Variants in CDH13 observed in about 807,000 individuals in gnomAD.
CDH13 encodes the protein cadherin-13.
A neutral mutation model predicts 63.8 loss-of-function variants in CDH13; 24 were observed. The observed-to-expected ratio is 0.38, with a 90% CI of 0.27 to 0.53. The LOEUF is 0.53. Ranked by LOEUF, CDH13 falls within the 20% of genes least tolerant of loss-of-function variation. CDH13 has a pLI of 0.85. For missense variants in CDH13, 1,049 were observed against 903.1 expected (o/e 1.16, Z -2.07); for synonymous variants, 503 against 355.3 (o/e 1.42, Z -4.67).
intron 9 of CDH13, among the ~76,000 whole-genome samples, chr16:83,678,002 A>G (rs1001645614): frequency 6.6e-6 from 1 of 152,160 alleles, no homozygotes; most frequent in Non-Finnish European, 1.5e-5. Flanking sequence ...ACAAAAAAAA[A>G]CCAACATCCA....
intron 1 of CDH13, among the ~76,000 whole-genome samples, chr16:82,656,971 A>ACAGTTTATC (rs1217939958): frequency 2.0e-5 from 3 of 146,536 alleles, no homozygotes; most frequent in African/African-American, 7.6e-5. Flanking sequence ...TGGATGTATC[A>ACAGTTTATC]CAGTTTATCC....
Position 82,708,909 on chromosome 16 carries a change from T to G in CDH13, c.45+81772T>G, listed in dbSNP as rs149604049. Among the ~76,000 whole-genome samples, 367 of 152,318 alleles carry G rather than the reference T, an allele frequency of 2.4e-3. 1 individual carries two copies. The highest frequency in any genetic ancestry group is 8.5e-3 in the South Asian group (41 of 4,822). On this transcript the variant is annotated intron_variant, in intron 1 of 13. Coordinates refer to ENST00000567109, the MANE Select transcript of CDH13 (RefSeq NM_001257.5). ...TAGGGCTCTCTTATAAATTGATAAC[T>G]TGTTTCTCAGTCTTTTATACATTTG...
rs978034213 is a variant in CDH13, at chr16:83,204,559, G to A, written c.484-12786G>A. 4.6e-5 allele frequency among the ~76,000 whole-genome samples: 7 copies of A among 152,156 alleles called. No homozygotes were observed. The South Asian group carries it at 6.2e-4, about 14-fold the overall frequency. On this transcript the variant is annotated intron_variant, in intron 4 of 13. Transcript: ENST00000567109. ...TCCATTGTGCAGAAGACAGGAGTGA[G>A]GCTCAGAGAGGCCACACAGCTTTCT... is the stretch of plus-strand genomic sequence containing the variant.
intron 5 of CDH13, among the ~76,000 whole-genome samples, chr16:83,234,515 T>G (rs2040090394): frequency 6.6e-6 from 1 of 152,058 alleles, no homozygotes; most frequent in African/African-American, 2.4e-5. Flanking sequence ...CAGCTCCAAG[T>G]CCAGATTCCT....
chr16:83,334,526 C>T (rs541445415), intron 5 of CDH13, among the ~76,000 whole-genome samples: 3 of 115,030 alleles, frequency 2.6e-5, no homozygotes, highest in South Asian at 7.0e-4. Context: ...CATGCACCGC[C>T]ACTCCTGGCT....
At chr16:83,482,054 C>T (rs2073780105) in intron 6 of CDH13, among the ~76,000 whole-genome samples, 1 of 152,164 alleles carries the variant, frequency 6.6e-6, no homozygotes, top group African/African-American at 2.4e-5. Flanking sequence ...GAATCCCATT[C>T]CAGCAAGGAC....
chr16:83,301,562 G>A (rs74031986), intron 5 of CDH13, among the ~76,000 whole-genome samples: 2,240 of 152,258 alleles, frequency 0.015, 63 homozygotes, highest in African/African-American at 0.052. Context: ...AACTGGTGGA[G>A]CAAGCAAGGT....
intron 2 of CDH13, among the ~76,000 whole-genome samples, chr16:82,961,209 G>C (rs34377414): frequency 0.11 from 16,201 of 152,148 alleles, 934 homozygotes; most frequent in South Asian, 0.13. Context: ...GAGATGAAGT[G>C]GGACTTCCCA....
chr16:83,327,259 A>G (rs908769492), intron 5 of CDH13, among the ~76,000 whole-genome samples: 15 of 152,246 alleles, frequency 9.9e-5, no homozygotes, highest in African/African-American at 3.6e-4. Context: ...CCCATGTAAA[A>G]TATTTTTGCA....
chr16:83,252,203 C>T (rs1300176068), intron 5 of CDH13, among the ~76,000 whole-genome samples: 1 of 148,498 alleles, frequency 6.7e-6, no homozygotes, highest in East Asian at 2.0e-4. Context: ...ACCCCTAATG[C>T]ATTTTTATTT....
At chr16:83,404,750 A>G (rs56218203) in intron 6 of CDH13, among the ~76,000 whole-genome samples, 12,875 of 152,224 alleles carry the variant, frequency 0.085, 612 homozygotes, top group South Asian at 0.12. Flanking sequence ...AGAAACAAAC[A>G]TGTATATCCT....
chr16:83,076,108 GA>G (rs946487820), intron 3 of CDH13, among the ~76,000 whole-genome samples: 4 of 151,826 alleles, frequency 2.6e-5, no homozygotes, highest in East Asian at 3.9e-4. Flanking sequence ...AAATTGGAAG[GA>G]AAAAAAAGTA....
intron 8 of CDH13, among the ~76,000 whole-genome samples, chr16:83,620,015 G>T (rs772194564): frequency 6.6e-6 from 1 of 152,080 alleles, no homozygotes; most frequent in African/African-American, 2.4e-5. Flanking sequence ...TGGAGAGGGC[G>T]GGAGGGGCCA....
chr16:82,925,776 C>G (rs1169165640), intron 2 of CDH13, among the ~76,000 whole-genome samples: 4 of 152,198 alleles, frequency 2.6e-5, no homozygotes, highest in Non-Finnish European at 5.9e-5. Context: ...CCTCTCTGCC[C>G]TTGACCTCAA....
intron 8 of CDH13, among the ~76,000 whole-genome samples, chr16:83,666,179 A>G (rs187922085): frequency 6.6e-6 from 1 of 152,326 alleles, no homozygotes; most frequent in East Asian, 1.9e-4. Flanking sequence ...ATGTCTTTCT[A>G]TTGTTTTTAA....
At chr16:83,196,286 G>A (rs1035620619) in intron 4 of CDH13, among the ~76,000 whole-genome samples, 14 of 151,830 alleles carry the variant, frequency 9.2e-5, no homozygotes, top group African/African-American at 3.4e-4. Flanking sequence ...AACAGAAAAT[G>A]TTAACTCAAA....
At chr16:82,772,225 G>C (rs1301209638) in intron 1 of CDH13, among the ~76,000 whole-genome samples, 3 of 152,082 alleles carry the variant, frequency 2.0e-5, no homozygotes, top group African/African-American at 7.2e-5. Flanking sequence ...TTACAAATTA[G>C]GGCTCCCTTC....
Position 83,378,163 on chromosome 16 carries a change from A to G in CDH13, c.781+33157A>G, listed in dbSNP as rs78215974. On this transcript the variant is annotated intron_variant, in intron 6 of 13. Transcript: ENST00000567109. The stretch of plus-strand genomic sequence containing the variant: ...CTACGATTTATCCAGCCTTTGCTCT[A>G]TGGTAGATGCTGTGCAAGTGCTTTC... 3.9e-5 allele frequency among the ~76,000 whole-genome samples: 6 copies of G among 152,294 alleles called. No homozygotes were observed. In the East Asian group the frequency reaches 7.7e-4, roughly 20 times the overall value.
chr16:83,192,817 T>C (rs1427016711), intron 4 of CDH13, among the ~76,000 whole-genome samples: 1 of 152,068 alleles, frequency 6.6e-6, no homozygotes, highest in Non-Finnish European at 1.5e-5. Context: ...CCCCTAAGTG[T>C]GGGTGGAACG....
Sources: allele counts gnomAD v4.1 joint callset (sites outside exome capture counted in the v4.1 genomes callset), GRCh38; gene constraint gnomAD v4.1.1; transcripts MANE v1.5; gene names NCBI Gene and HGNC (gene_info 2026-07-23, HGNC 2026-07-21).